The following TMEM117 variants were observed in gnomAD, a reference collection of about 807,000 sequenced individuals.
The protein encoded by TMEM117 is transmembrane protein 117.
Under a neutral mutation model 52.4 loss-of-function variants are expected in TMEM117, and 27 were observed. That is an observed-to-expected ratio of 0.51 (90% CI 0.38 to 0.71). TMEM117 has a LOEUF of 0.71. Among genes scored for constraint, TMEM117 ranks in the 30% least tolerant of loss-of-function variants. TMEM117 has a pLI of 0.00. For missense variants in TMEM117, 556 were observed against 630.5 expected, an observed-to-expected ratio of 0.88 and a Z score of 1.26; for synonymous variants, 215 against 206.3, an observed-to-expected ratio of 1.04 and a Z score of -0.36.
chr12:44,245,796 T>G (rs1178446426), intron 5 of TMEM117, among the ~76,000 whole-genome samples: 2 of 152,072 alleles, frequency 1.3e-5, no homozygotes, highest in Non-Finnish European at 2.9e-5. Flanking sequence ...TGGTGGACAT[T>G]AGAATGATTG....
intron 2 of TMEM117, among the ~76,000 whole-genome samples, chr12:43,887,171 A>AG (rs1024155549): frequency 5.3e-5 from 8 of 152,060 alleles, no homozygotes; most frequent in Admixed American, 5.2e-4. Context: ...ATTTTCAGTG[A>AG]GGGGTTGGGT....
chr12:44,191,478 G>A (rs1027607956), intron 4 of TMEM117, among the ~76,000 whole-genome samples: 2 of 151,936 alleles, frequency 1.3e-5, no homozygotes, highest in Non-Finnish European at 2.9e-5. Context: ...AAGAATTTTA[G>A]ATCTTAAAGG....
At position 44,349,621 on chromosome 12, in the gene TMEM117, T is replaced by G. The variant is rs375146125; in HGVS notation, c.769-26974T>G. 2.1e-4 allele frequency among the ~76,000 whole-genome samples: 32 copies of G among 152,156 alleles called. No individual in the cohort carries two copies. The South Asian group carries it at 6.2e-3, about 30-fold the overall frequency. ...GAGAATACATTCTGGAACCTGCATT[T>G]TATGTTCCCAGAGAAGTGCTGAGCA... is the stretch of plus-strand genomic sequence containing the variant. On this transcript the variant is annotated intron_variant, in intron 6 of 7. Coordinates refer to ENST00000266534, the MANE Select transcript of TMEM117 (RefSeq NM_032256.3).
intron 4 of TMEM117, among the ~76,000 whole-genome samples, chr12:44,195,932 A>AAC (rs1565578694): frequency 4.6e-4 from 66 of 143,840 alleles, no homozygotes; most frequent in Non-Finnish European, 2.5e-4. Flanking sequence ...AAATAAATAA[A>AAC]TAAATAACTG....
chr12:43,859,021 T>A (rs556758048), intron 2 of TMEM117, among the ~76,000 whole-genome samples: 2 of 152,248 alleles, frequency 1.3e-5, no homozygotes, highest in South Asian at 4.2e-4. Flanking sequence ...TAAAGCTTCC[T>A]AGAGAAATAG....
chr12:43,809,391 C>A, the TMEM117 span, among the ~76,000 whole-genome samples: 1 of 152,128 alleles, frequency 6.6e-6, no homozygotes, highest in Admixed American at 6.5e-5. Context: ...ATTATTTAAC[C>A]TAAGTCTCCA....
chr12:43,944,107 T>C (rs1945088917), intron 2 of TMEM117, 103 bp from the exon 3 acceptor site: 2 of 1,059,928 alleles, frequency 1.9e-6, no homozygotes, highest in Non-Finnish European at 2.7e-6. Flanking sequence ...TGGCAAAGAC[T>C]TCAGAATATA....
intron 2 of TMEM117, among the ~76,000 whole-genome samples, chr12:43,941,917 A>G (rs1269875002): frequency 6.6e-6 from 1 of 152,224 alleles, no homozygotes; most frequent in African/African-American, 2.4e-5. Flanking sequence ...TTTGCAAAGC[A>G]CTGTTAAATC....
At chr12:44,209,927 G>A (rs576786667) in intron 4 of TMEM117, among the ~76,000 whole-genome samples, 3 of 152,090 alleles carry the variant, frequency 2.0e-5, no homozygotes, top group Admixed American at 6.6e-5. Flanking sequence ...CAGGAAGTCC[G>A]GTATTATTGA....
chr12:44,295,428 C>T (rs184322534), intron 5 of TMEM117, among the ~76,000 whole-genome samples: 4 of 152,172 alleles, frequency 2.6e-5, no homozygotes, highest in East Asian at 1.9e-4. Context: ...AGGCTGGTCT[C>T]GAACTCCTGA....
intron 2 of TMEM117, among the ~76,000 whole-genome samples, chr12:43,914,469 T>A (rs1187589317): frequency 2.0e-5 from 3 of 152,166 alleles, no homozygotes; most frequent in Non-Finnish European, 2.9e-5. Flanking sequence ...GTGGTGCCCC[T>A]TCTATGTGCC....
intron 3 of TMEM117, among the ~76,000 whole-genome samples, chr12:43,986,730 A>G (rs1945853283): frequency 6.6e-6 from 1 of 152,064 alleles, no homozygotes. Flanking sequence ...GAACCATCTC[A>G]TCCTATTCTC....
At chr12:44,036,270 T>C (rs1203005634) in intron 3 of TMEM117, among the ~76,000 whole-genome samples, 1 of 152,184 alleles carries the variant, frequency 6.6e-6, no homozygotes, top group Non-Finnish European at 1.5e-5. Context: ...GTTTAAAGAA[T>C]AATAGTGAAA....
At chr12:44,184,930 T>G (rs1235650801) in intron 4 of TMEM117, among the ~76,000 whole-genome samples, 2 of 152,196 alleles carry the variant, frequency 1.3e-5, no homozygotes, top group South Asian at 4.1e-4. Flanking sequence ...TACTCGTACC[T>G]TTTTGCTTGT....
downstream of TMEM117, among the ~76,000 whole-genome samples, chr12:44,392,537 T>C (rs2138884110): frequency 6.6e-6 from 1 of 152,214 alleles, no homozygotes; most frequent in Non-Finnish European, 1.5e-5. Flanking sequence ...TTTATTATTA[T>C]TATACTTTAA....
At chr12:43,944,867 A>T (rs1229241109) in intron 3 of TMEM117, among the ~76,000 whole-genome samples, 1 of 152,064 alleles carries the variant, frequency 6.6e-6, no homozygotes. Flanking sequence ...TAATCCCAGC[A>T]CTTTGGGAGG....
chr12:44,014,254 A>G (rs768009188), intron 3 of TMEM117, among the ~76,000 whole-genome samples: 3 of 152,112 alleles, frequency 2.0e-5, no homozygotes, highest in Admixed American at 6.5e-5. Context: ...GAATAACAGA[A>G]TCATTTTATC....
intron 3 of TMEM117, chr12:44,009,908 C>A: frequency 3.7e-6 from 1 of 273,188 alleles, no homozygotes. Context: ...GGATCTCTGG[C>A]CTCAATCACT....
intron 5 of TMEM117, among the ~76,000 whole-genome samples, chr12:44,280,209 T>C (rs761250348): frequency 4.6e-5 from 7 of 152,188 alleles, no homozygotes; most frequent in Non-Finnish European, 8.8e-5. Context: ...TCCAGCTGAC[T>C]GTTGTTAATC....
Sources: allele counts gnomAD v4.1 joint callset (sites outside exome capture counted in the v4.1 genomes callset), GRCh38; gene constraint gnomAD v4.1.1; transcripts MANE v1.5; gene names NCBI Gene and HGNC (gene_info 2026-07-23, HGNC 2026-07-21).